SAMSN1: variants seen among roughly 807,000 people sequenced by gnomAD.
The protein encoded by SAMSN1 is SAM domain, SH3 domain and nuclear localization signals 1, also known as SAM domain-containing protein SAMSN-1.
In SAMSN1, 31 loss-of-function variants were observed where a neutral mutation model predicts 42.0. The observed-to-expected ratio is 0.74, with a 90% confidence interval of 0.55 to 1.00. The LOEUF (loss-of-function observed/expected upper bound fraction) is 1.00. Ranked by LOEUF, SAMSN1 falls within the 50% of genes least tolerant of loss-of-function variation. SAMSN1 has a pLI of 0.00. For missense variants in SAMSN1, 464 were observed against 439.4 expected, an observed-to-expected ratio of 1.06 and a Z score of -0.50; for synonymous variants, 178 against 151.9, an observed-to-expected ratio of 1.17 and a Z score of -1.26.
chr21:14,574,087 T>C (rs1482140014), intron 2 of SAMSN1, among the ~76,000 whole-genome samples: 2 of 152,166 alleles, frequency 1.3e-5, no homozygotes, highest in Non-Finnish European at 2.9e-5. Flanking sequence ...TGCCAAAGAT[T>C]GATGTCCAGC....
intron 1 of SAMSN1, among the ~76,000 whole-genome samples, chr21:14,529,070 T>C (rs201752153): frequency 6.6e-6 from 1 of 152,230 alleles, no homozygotes; most frequent in African/African-American, 2.4e-5. Context: ...TAATGGGTAA[T>C]GCTAGTCAAT....
At chr21:14,642,132 A>G (rs1600980664) in intron 2 of SAMSN1, among the ~76,000 whole-genome samples, 1 of 152,180 alleles carries the variant, frequency 6.6e-6, no homozygotes, top group South Asian at 2.1e-4. Context: ...AGGACGAGGA[A>G]TAGGAGCAGT....
At chr21:14,492,586 G>T (rs1385760063) in intron 7 of SAMSN1, among the ~76,000 whole-genome samples, 2 of 152,176 alleles carry the variant, frequency 1.3e-5, no homozygotes, top group Admixed American at 6.5e-5. Flanking sequence ...TATAAACACA[G>T]GTACAGGAGT....
intron 2 of SAMSN1, among the ~76,000 whole-genome samples, chr21:14,628,549 GAGA>G (rs1455990765): frequency 6.6e-6 from 1 of 152,090 alleles, no homozygotes. Context: ...TTTTCAAAAC[GAGA>G]AGATTTATGT....
intron 7 of SAMSN1, among the ~76,000 whole-genome samples, chr21:14,592,985 GCAAGGGCAGATCT>G (rs57995200): frequency 0.5 from 75,492 of 151,712 alleles, 19,626 homozygotes; most frequent in Admixed American, 0.62. Flanking sequence ...ATGAGAAATA[GCAAGGGCAGATCT>G]CAATAATTTT....
At chr21:14,509,870 T>G (rs1987600898) in intron 5 of SAMSN1, among the ~76,000 whole-genome samples, 2 of 152,172 alleles carry the variant, frequency 1.3e-5, no homozygotes, top group South Asian at 4.1e-4. Flanking sequence ...CCAGGCGTGG[T>G]GGCTCACGCC....
chr21:14,600,845 G>A (rs1400437087), intron 6 of SAMSN1, among the ~76,000 whole-genome samples: 2 of 152,114 alleles, frequency 1.3e-5, no homozygotes, highest in Non-Finnish European at 2.9e-5. Context: ...CTGTGCTTGT[G>A]CAAGTCTTAT....
chr21:14,657,374 T>A (rs943653443), intron 1 of SAMSN1, among the ~76,000 whole-genome samples: 2 of 151,812 alleles, frequency 1.3e-5, no homozygotes, highest in South Asian at 2.1e-4. Context: ...ATTGAGTCCA[T>A]GAGTCAGGAC....
intron 7 of SAMSN1, among the ~76,000 whole-genome samples, chr21:14,493,501 G>A (rs575872887): frequency 2.8e-4 from 43 of 151,366 alleles, no homozygotes; most frequent in Non-Finnish European, 5.4e-4. Context: ...ATAAACAACA[G>A]TAAACCAGCT....
At chr21:14,629,663 C>T (rs547091761) in intron 2 of SAMSN1, among the ~76,000 whole-genome samples, 13 of 152,226 alleles carry the variant, frequency 8.5e-5, no homozygotes, top group South Asian at 2.1e-4. Flanking sequence ...TAGCTTATAG[C>T]GCCTGGAGAA....
chr21:14,649,783 AC>A (rs1983798758), intron 1 of SAMSN1, among the ~76,000 whole-genome samples: 2 of 147,462 alleles, frequency 1.4e-5, no homozygotes, highest in South Asian at 4.2e-4. Flanking sequence ...ACACACACAC[AC>A]ACACACACAC....
At chr21:14,628,139 A>G (rs1297673797) in intron 2 of SAMSN1, among the ~76,000 whole-genome samples, 1 of 152,238 alleles carries the variant, frequency 6.6e-6, no homozygotes, top group Non-Finnish European at 1.5e-5. Context: ...ACAGCATCCA[A>G]TCAATGGGAT....
chr21:14,495,370 T>C (rs931971909), intron 7 of SAMSN1, among the ~76,000 whole-genome samples: 1 of 152,346 alleles, frequency 6.6e-6, no homozygotes, highest in South Asian at 2.1e-4. Flanking sequence ...GTCATTCTTC[T>C]TTATTTCTTG....
intron 1 of SAMSN1, among the ~76,000 whole-genome samples, chr21:14,530,339 A>AATAATC (rs1555833471): frequency 1.1e-4 from 16 of 141,154 alleles, no homozygotes; most frequent in East Asian, 4.3e-4. Flanking sequence ...AAAAAAAAGA[A>AATAATC]AGAAATAATC....
chr21:14,519,602 A>G (rs73344188), intron 2 of SAMSN1, among the ~76,000 whole-genome samples: 4,740 of 152,184 alleles, frequency 0.031, 234 homozygotes, highest in African/African-American at 0.11. Flanking sequence ...TGACTATACA[A>G]TTATGTACAA....
At chr21:14,644,743 T>C (rs1983679769) in intron 1 of SAMSN1, among the ~76,000 whole-genome samples, 1 of 152,128 alleles carries the variant, frequency 6.6e-6, no homozygotes, top group South Asian at 2.1e-4. Flanking sequence ...CAGGACTGTA[T>C]GCTTGGATGG....
chr21:14,619,706 T>A (rs1464579365), intron 2 of SAMSN1: 1 of 302,822 alleles, frequency 3.3e-6, no homozygotes, highest in African/African-American at 2.2e-5. Context: ...CAAGATAAAA[T>A]AATACACACT....
chr21:14,596,037 ATTTG>A (rs1193763383), intron 6 of SAMSN1, among the ~76,000 whole-genome samples: 1 of 152,190 alleles, frequency 6.6e-6, no homozygotes, highest in African/African-American at 2.4e-5. Context: ...CATAAAAATT[ATTTG>A]TTAGAATCAA....
At chr21:14,592,027 T>G (rs2123274365) in intron 7 of SAMSN1, 1 of 152,294 alleles carries the variant, frequency 6.6e-6, no homozygotes, top group Admixed American at 6.5e-5. Flanking sequence ...TGGGTCAGTC[T>G]TTGAATGTGG....
Sources: allele counts gnomAD v4.1 joint callset (sites outside exome capture counted in the v4.1 genomes callset), GRCh38; gene constraint gnomAD v4.1.1; transcripts MANE v1.5; gene names NCBI Gene and HGNC (gene_info 2026-07-23, HGNC 2026-07-21).